Variants in MAP1B observed in about 807,000 individuals in gnomAD.
MAP1B encodes the protein microtubule-associated protein 1B.
A neutral mutation model predicts 176.1 loss-of-function variants in MAP1B; 12 were observed. The ratio of observed to expected loss-of-function variants is 0.07; its 90% CI spans 0.04 to 0.11. The LOEUF (loss-of-function observed/expected upper bound fraction) is 0.11, where lower values mean the gene tolerates loss of function less well. MAP1B is among the 10% of genes least tolerant of loss of function. MAP1B has a pLI of 1.00. For synonymous variants in MAP1B, 1,044 were observed against 1,135.0 expected, an observed-to-expected ratio of 0.92 and a Z score of 1.61; for missense variants, 2,523 against 2,990.5, an observed-to-expected ratio of 0.84 and a Z score of 3.65.
Position 72,200,381 on chromosome 5 carries a change from G to A in MAP1B, c.7012+14G>A. On this transcript the variant is annotated intron_variant, in intron 5 of 6. Coordinates refer to ENST00000296755, the MANE Select transcript of MAP1B (RefSeq NM_005909.5). ...CCGCCACTGCAGGTAGGTTGAGAAG[G>A]CTGGGCATTGGATATATGTCACAAC... 1 of 1,610,046 alleles carries A rather than the reference G, an allele frequency of 6.2e-7. No individual in the cohort carries two copies. Among genetic ancestry groups the A allele is most frequent in the South Asian group, 1.1e-5 (1 of 90,402 alleles).
chr5:72,197,526 A>G lies in MAP1B; in HGVS notation c.4171A>G (p.Ile1391Val), dbSNP rs771921931. The change falls in exon 5 of 7, where the codon ATT (isoleucine) becomes GTT (valine). Residue 1391 changes from isoleucine (I) to valine (V), a missense_variant. Transcript: ENST00000296755. ...DEPVPDSESPIEKVLSPLRSP... is the reference protein window; with the variant it reads ...DEPVPDSESPVEKVLSPLRSP... ...GCCCGTGCCTGACTCAGAGTCTCCTATTGAAAAAGTTTTGTCTCCTTTACG... is the reference window on the plus strand; with the variant it reads ...GCCCGTGCCTGACTCAGAGTCTCCTGTTGAAAAAGTTTTGTCTCCTTTACG... 8 of 1,614,058 alleles carry G rather than the reference A, an allele frequency of 5.0e-6. No homozygotes were observed. Among genetic ancestry groups the G allele is most frequent in the Non-Finnish European group, 5.9e-6 (7 of 1,180,040 alleles).
chr5:72,154,025 A>G (rs1038561590), intron 2 of MAP1B, among the ~76,000 whole-genome samples: 2 of 152,194 alleles, frequency 1.3e-5, no homozygotes, highest in African/African-American at 4.8e-5. Context: ...CCTGCATTTA[A>G]TCTTTCACAT....
chr5:72,170,840 G>A (rs1455977053), intron 2 of MAP1B, among the ~76,000 whole-genome samples: 4 of 149,142 alleles, frequency 2.7e-5, no homozygotes, highest in Admixed American at 1.4e-4. Flanking sequence ...CCAGCTAGTC[G>A]GGAGGCTGAG....
At chr5:72,176,603 G>A (rs1746658414) in intron 2 of MAP1B, among the ~76,000 whole-genome samples, 1 of 152,238 alleles carries the variant, frequency 6.6e-6, no homozygotes, top group African/African-American at 2.4e-5. Context: ...TTATTGCTGT[G>A]TTCTGGTGAT....
intron 2 of MAP1B, among the ~76,000 whole-genome samples, chr5:72,139,504 T>C (rs562081316): frequency 6.6e-6 from 1 of 152,336 alleles, no homozygotes; most frequent in East Asian, 1.9e-4. Flanking sequence ...AAGATGTAAG[T>C]CTCCGGGGTG....
At chr5:72,129,181 T>C (rs1745681539) in intron 2 of MAP1B, among the ~76,000 whole-genome samples, 1 of 152,208 alleles carries the variant, frequency 6.6e-6, no homozygotes, top group Non-Finnish European at 1.5e-5. Context: ...CATATGTAAT[T>C]GTATGTGTGT....
rs200102877 is a variant in MAP1B at position 72,197,838 on chromosome 5, A to G, written c.4483A>G (p.Arg1495Gly). 1 of 1,614,232 alleles carries G rather than the reference A, an allele frequency of 6.2e-7. No individual in the cohort carries two copies. The highest frequency in any genetic ancestry group is 8.5e-7 in the Non-Finnish European group (1 of 1,180,038). The change falls in exon 5 of 7, where the codon AGG becomes GGG. Residue 1495 changes from arginine to glycine, a missense_variant. By Grantham distance (125) the Arg-to-Gly change is moderately radical. Transcript: ENST00000296755. ...SSQPALALDE[R>G]KLGDVSPTQI... Reference sequence around the variant, plus strand: ...TCAACCAGCACTGGCTCTGGATGAAAGGAAATTAGGAGATGTTTCTCCCAC... The same window carrying G: ...TCAACCAGCACTGGCTCTGGATGAAGGGAAATTAGGAGATGTTTCTCCCAC...
chr5:72,170,346 T>C (rs1407518364), intron 2 of MAP1B, among the ~76,000 whole-genome samples: 1 of 152,232 alleles, frequency 6.6e-6, no homozygotes, highest in Non-Finnish European at 1.5e-5. Flanking sequence ...GGGAAGCTTT[T>C]ACAAGAAGGT....
At position 72,195,844 on chromosome 5, in the gene MAP1B, T is replaced by C; in HGVS notation, c.2489T>C (p.Met830Thr). The C allele has an allele frequency of 6.2e-7, 1 of 1,614,246 alleles. No individual in the cohort carries two copies. The highest frequency in any genetic ancestry group is 8.5e-7 in the Non-Finnish European group (1 of 1,180,038). Residue 830 changes from methionine to threonine, a missense_variant, in exon 5 of 7, where the codon ATG (methionine) becomes ACG (threonine). By Grantham distance (81) the Met-to-Thr change is moderately conservative. Transcript: ENST00000296755. ...GAACTCGAAGCTGAGAGGTCCCTTA[T>C]GTCATCTCCTGAGGATCTAACCAAG... Reference protein sequence around the residue: ...AKELEAERSLMSSPEDLTKDF... With the variant: ...AKELEAERSLTSSPEDLTKDF...
chr5:72,127,896 A>G (rs542973263), intron 2 of MAP1B, among the ~76,000 whole-genome samples: 1 of 152,374 alleles, frequency 6.6e-6, no homozygotes, highest in African/African-American at 2.4e-5. Context: ...TTCCTAAACC[A>G]AATTTATACA....
intron 2 of MAP1B, among the ~76,000 whole-genome samples, chr5:72,120,265 C>T (rs1307348611): frequency 6.6e-6 from 1 of 152,112 alleles, no homozygotes; most frequent in Non-Finnish European, 1.5e-5. Context: ...TCATCAGCAG[C>T]CTAGCATAAT....
In MAP1B at chr5:72,207,975, T is replaced by C. The variant is rs1319162152; in HGVS notation, c.*2736T>C. 1.3e-5 allele frequency: 2 copies of C among 148,198 alleles called. No individual in the cohort carries two copies. Among genetic ancestry groups the C allele is most frequent in the Non-Finnish European group, 3.0e-5 (2 of 66,478 alleles). The allele number at this position is 148,198 out of a possible 1,614,324, so 9.2% of individuals were successfully genotyped here. ...CTCTCTCTCTCTCTTTTTTTTTTTT[T>C]TTTTTTTTGCTATGGGATTTAATGG... On this transcript the variant is annotated 3_prime_UTR_variant, in exon 7 of 7. Transcript: ENST00000296755.
chr5:72,198,073 C>T lies in MAP1B; in HGVS notation c.4718C>T (p.Ser1573Phe), dbSNP rs778143570. The change falls in exon 5 of 7, where the codon TCT becomes TTT. Residue 1573 changes from serine (S) to phenylalanine (F), a missense_variant. By Grantham distance (155) the Ser-to-Phe change is radical. Transcript: ENST00000296755. The stretch of plus-strand genomic sequence containing the variant: ...CCAACAACAGATGATGTGTCTCCAT[C>T]TCTGCATGCTGAGGTTGGCTCCCCA... ...PEPTTDDVSP[S>F]LHAEVGSPHS... is the part of the protein sequence containing the mutation. 3.1e-6 allele frequency: 5 copies of T among 1,614,246 alleles called. No homozygotes were observed. Among genetic ancestry groups the T allele is most frequent in the Non-Finnish European group, 4.2e-6 (5 of 1,180,048 alleles).
At chr5:72,193,720 C>A in intron 4 of MAP1B, 146 bp from the exon 5 acceptor site, 1 of 894,162 alleles carries the variant, frequency 1.1e-6, no homozygotes, top group South Asian at 1.9e-5. Context: ...ATTTAAGCAA[C>A]CAACATCACT....
At chr5:72,164,743 A>G (rs1746393753) in intron 2 of MAP1B, among the ~76,000 whole-genome samples, 1 of 152,188 alleles carries the variant, frequency 6.6e-6, no homozygotes, top group South Asian at 2.1e-4. Context: ...CCTCAGGGAC[A>G]GGGTAAGGCT....
At chr5:72,122,372 G>C (rs184477330) in intron 2 of MAP1B, among the ~76,000 whole-genome samples, 2 of 152,132 alleles carry the variant, frequency 1.3e-5, no homozygotes, top group Admixed American at 1.3e-4. Context: ...CGGTGAAAGA[G>C]CCAGACCTTC....
At position 72,194,174 on chromosome 5, in the gene MAP1B, C is replaced by T. The variant is rs1747091284; in HGVS notation, c.819C>T (p.Ala273=). The T allele has an allele frequency of 3.1e-6, 5 of 1,614,194 alleles. No homozygotes were observed. Among genetic ancestry groups the T allele is most frequent in the Non-Finnish European group, 3.4e-6 (4 of 1,180,040 alleles). Residue 273 remains alanine, a synonymous_variant, in exon 5 of 7, where the codon GCC becomes GCT. Coordinates refer to ENST00000296755, the MANE Select transcript of MAP1B (RefSeq NM_005909.5). This position sits in a 1 kb window ranked among gnomAD's most constrained non-coding sequence, Gnocchi z 7.2. ...TTCCAGGAGGGAGGGGCGATTCTGC[C>T]TTGTTTGCAGTGAATGGTTTCAATA... is the stretch of plus-strand genomic sequence containing the variant. ...YIFPGGRGDS[A]LFAVNGFNML...
chr5:72,149,419 C>T (rs73123347), intron 2 of MAP1B, among the ~76,000 whole-genome samples: 10,626 of 152,242 alleles, frequency 0.07, 439 homozygotes, highest in Middle Eastern at 0.095. Context: ...TTTTCTTTTT[C>T]CACAATAGAC....
intron 2 of MAP1B, among the ~76,000 whole-genome samples, chr5:72,171,915 C>T (rs1158830937): frequency 1.3e-5 from 2 of 152,146 alleles, no homozygotes; most frequent in South Asian, 2.1e-4. Context: ...TCGTCACTTA[C>T]GAATGATCCA....
Sources: gnomAD v4.1 joint callset for allele counts (sites outside exome capture counted in the v4.1 genomes callset) on GRCh38, gnomAD v4.1.1 for gene constraint, Gnocchi (gnomAD v3.1) non-coding constraint, MANE v1.5 for transcripts, NCBI Gene and HGNC (gene_info 2026-07-23, HGNC 2026-07-21) for gene names.